Variants in NCKAP1 observed in about 807,000 individuals in gnomAD.
The protein encoded by NCKAP1 is nck-associated protein 1.
A neutral mutation model predicts 151.2 loss-of-function variants in NCKAP1; 21 were observed. The ratio of observed to expected loss-of-function variants is 0.14; its 90% CI spans 0.10 to 0.20. The LOEUF (loss-of-function observed/expected upper bound fraction) is 0.20. Ranked by LOEUF, NCKAP1 falls within the 10% of genes least tolerant of loss-of-function variation. NCKAP1 has a pLI of 1.00. For missense variants in NCKAP1, 933 were observed against 1,352.1 expected (o/e 0.69, Z 4.86); for synonymous variants, 484 against 451.8 (o/e 1.07, Z -0.90).
At chr2:182,958,835 A>G (rs762112492) in intron 18 of NCKAP1, among the ~76,000 whole-genome samples, 38 of 152,220 alleles carry the variant, frequency 2.5e-4, no homozygotes, top group Non-Finnish European at 5.0e-4. Flanking sequence ...TTCACTGTAC[A>G]TTACAGTAGC....
chr2:183,015,902 T>G (rs73046260), intron 2 of NCKAP1, among the ~76,000 whole-genome samples: 9,711 of 147,794 alleles, frequency 0.066, 1,024 homozygotes, highest in African/African-American at 0.23. Flanking sequence ...TATATTAAAG[T>G]TAAAAAAGGA....
At chr2:182,964,272 GTAA>G (rs1036937897) in intron 17 of NCKAP1, among the ~76,000 whole-genome samples, 4 of 152,132 alleles carry the variant, frequency 2.6e-5, no homozygotes, top group African/African-American at 4.8e-5. Flanking sequence ...TAACAATTTA[GTAA>G]TAATAAGTTA....
intron 24 of NCKAP1, among the ~76,000 whole-genome samples, chr2:182,940,298 CAAAAGAAAGATCAGGAGAGTTTTA>C (rs551697814): frequency 0.054 from 8,254 of 152,112 alleles, 299 homozygotes; most frequent in Non-Finnish European, 0.08. Context: ...TGTACAATAA[CAAAAGAAAGATCAGGAGAGTTTTA>C]AAAACTAATT....
intron 13 of NCKAP1, 76 bp from the exon 14 acceptor site, chr2:182,978,991 G>T (rs1697882469): frequency 2.1e-6 from 2 of 944,094 alleles, no homozygotes; most frequent in Non-Finnish European, 3.3e-6. Context: ...TTAGTGGACG[G>T]ATAAACAAAC....
intron 2 of NCKAP1, chr2:183,023,000 C>A (rs1441294536): frequency 1.3e-5 from 2 of 151,798 alleles, no homozygotes; most frequent in Non-Finnish European, 2.9e-5. Context: ...CAGAGCTTCT[C>A]AAAATTATGA....
intron 2 of NCKAP1, among the ~76,000 whole-genome samples, chr2:183,019,271 A>C (rs1163490912): frequency 6.6e-6 from 1 of 152,148 alleles, no homozygotes; most frequent in Non-Finnish European, 1.5e-5. Flanking sequence ...CCATAATAAC[A>C]CTATTGTGCC....
intron 9 of NCKAP1, 90 bp from the exon 10 acceptor site, chr2:182,986,317 G>A: frequency 9.1e-7 from 1 of 1,099,636 alleles, no homozygotes; most frequent in South Asian, 1.4e-5. Context: ...AATTAAAAAT[G>A]ACATTATCAA....
chr2:182,927,635 G>A (rs1259697742), intron 29 of NCKAP1, among the ~76,000 whole-genome samples: 1 of 152,026 alleles, frequency 6.6e-6, no homozygotes, highest in East Asian at 1.9e-4. Flanking sequence ...GTAGTGAGTA[G>A]TATTTTTAAT....
chr2:182,955,736 A>T (rs1000156539), intron 20 of NCKAP1, among the ~76,000 whole-genome samples: 2 of 152,118 alleles, frequency 1.3e-5, no homozygotes, highest in Admixed American at 1.3e-4. Context: ...ACGAAGCAAT[A>T]TATATATTTA....
intron 6 of NCKAP1, 22 bp from the exon 7 acceptor site, chr2:182,995,860 A>G: frequency 1.3e-6 from 2 of 1,585,734 alleles, no homozygotes; most frequent in East Asian, 2.2e-5. Flanking sequence ...ACGAAAAAAA[A>G]GCTGAAGAAT....
intron 1 of NCKAP1, among the ~76,000 whole-genome samples, chr2:183,028,353 A>G (rs952775477): frequency 6.6e-6 from 1 of 152,124 alleles, no homozygotes; most frequent in Non-Finnish European, 1.5e-5. Context: ...CTATAATTTC[A>G]AATTTCAGAA....
At chr2:182,981,096 T>A in intron 13 of NCKAP1, 148 bp downstream of exon 13, 1 of 969,132 alleles carries the variant, frequency 1.0e-6, no homozygotes, top group Non-Finnish European at 1.5e-6. Context: ...AACTGTTTCT[T>A]CCCTTCTAGG....
At chr2:183,029,996 T>C (rs1020977192) in intron 1 of NCKAP1, among the ~76,000 whole-genome samples, 3 of 152,100 alleles carry the variant, frequency 2.0e-5, no homozygotes, top group Admixed American at 6.6e-5. Context: ...TTCTGAAAAA[T>C]TAAGTAACTT....
At chr2:182,964,235 A>C (rs944254502) in intron 17 of NCKAP1, among the ~76,000 whole-genome samples, 1 of 152,130 alleles carries the variant, frequency 6.6e-6, no homozygotes, top group African/African-American at 2.4e-5. Flanking sequence ...AGTATCACAA[A>C]ATCTGGATTT....
chr2:183,032,767 C>T (rs113802338), intron 1 of NCKAP1, among the ~76,000 whole-genome samples: 19 of 152,176 alleles, frequency 1.2e-4, no homozygotes, highest in South Asian at 4.1e-4. Context: ...CATAAATCAG[C>T]CAGGTGCGGT....
At chr2:182,992,460 T>C (rs1698188185) in intron 8 of NCKAP1, among the ~76,000 whole-genome samples, 1 of 152,126 alleles carries the variant, frequency 6.6e-6, no homozygotes, top group Non-Finnish European at 1.5e-5. Flanking sequence ...TAAAGACCAG[T>C]GGGAAGCAAA....
chr2:183,034,238 T>C (rs1699059240), intron 1 of NCKAP1, among the ~76,000 whole-genome samples: 1 of 152,128 alleles, frequency 6.6e-6, no homozygotes, highest in Non-Finnish European at 1.5e-5. Context: ...TGTTAAACTT[T>C]TCCTTAGAAA....
chr2:182,990,340 T>C (rs903926037), intron 8 of NCKAP1, among the ~76,000 whole-genome samples: 5 of 152,146 alleles, frequency 3.3e-5, no homozygotes, highest in Admixed American at 3.3e-4. Context: ...ACCTGGTCCA[T>C]ATGCTTCTTA....
At chr2:183,030,726 A>G (rs1368390442) in intron 1 of NCKAP1, among the ~76,000 whole-genome samples, 1 of 152,268 alleles carries the variant, frequency 6.6e-6, no homozygotes, top group African/African-American at 2.4e-5. Context: ...GAGGAAGAAT[A>G]GACGTTACCT....
Sources: allele counts gnomAD v4.1 joint callset (sites outside exome capture counted in the v4.1 genomes callset), GRCh38; gene constraint gnomAD v4.1.1; transcripts MANE v1.5; gene names NCBI Gene and HGNC (gene_info 2026-07-23, HGNC 2026-07-21).